RBFOX1: variants seen among roughly 807,000 people sequenced by gnomAD.
RBFOX1 encodes RNA binding protein fox-1 homolog 1.
A neutral mutation model predicts 57.7 loss-of-function variants in RBFOX1; 8 were observed. The observed-to-expected ratio is 0.14, with a 90% CI of 0.08 to 0.25. The LOEUF (loss-of-function observed/expected upper bound fraction) is 0.25, where lower values mean the gene tolerates loss of function less well. Among genes scored for constraint, RBFOX1 ranks in the 10% least tolerant of loss-of-function variants. RBFOX1 has a pLI of 1.00. For missense variants in RBFOX1, 611 were observed against 548.5 expected, an observed-to-expected ratio of 1.11 and a Z score of -1.14; for synonymous variants, 326 against 222.4, an observed-to-expected ratio of 1.47 and a Z score of -4.15.
chr16:7,152,970 A>G (rs1404672198), intron 4 of RBFOX1, among the ~76,000 whole-genome samples: 4 of 152,260 alleles, frequency 2.6e-5, no homozygotes, highest in East Asian at 1.9e-4. Context: ...TTGCTGGTGC[A>G]TAAAACCTAT....
intron 1 of RBFOX1, among the ~76,000 whole-genome samples, chr16:5,385,926 C>A (rs191491197): frequency 4.6e-5 from 7 of 151,968 alleles, no homozygotes; most frequent in Non-Finnish European, 1.0e-4. Flanking sequence ...GATAAATCTG[C>A]GTTCCAGTAA....
At chr16:6,465,360 G>C (rs2095023090) in intron 2 of RBFOX1, among the ~76,000 whole-genome samples, 1 of 152,194 alleles carries the variant, frequency 6.6e-6, no homozygotes, top group Non-Finnish European at 1.5e-5. Flanking sequence ...TATTTTGACA[G>C]TGTAGGGTAA....
At chr16:6,055,998 T>C (rs1314036683) in intron 1 of RBFOX1, among the ~76,000 whole-genome samples, 1 of 152,194 alleles carries the variant, frequency 6.6e-6, no homozygotes, top group Admixed American at 6.5e-5. Flanking sequence ...CTGTCTACTA[T>C]GTGATAGAAT....
rs550439300 is a variant in RBFOX1 at position 7,414,783 on chromosome 16, A to G, written c.28-103364A>G. Among the ~76,000 whole-genome samples, 3 of 152,190 alleles carry G rather than the reference A, an allele frequency of 2.0e-5. No individual in the cohort carries two copies. In the South Asian group the frequency reaches 6.2e-4, roughly 32 times the overall value. Reference sequence around the variant, plus strand: ...CAGGCGTGTGCCACCATGACTGGCCAATTTTTGTATGTTTAGTAGAGATGG... The same window carrying G: ...CAGGCGTGTGCCACCATGACTGGCCGATTTTTGTATGTTTAGTAGAGATGG... On this transcript the variant is annotated intron_variant, in intron 4 of 15. Transcript: ENST00000550418.
chr16:7,144,626 G>A (rs548686029), intron 4 of RBFOX1, among the ~76,000 whole-genome samples: 1 of 151,914 alleles, frequency 6.6e-6, no homozygotes, highest in East Asian at 1.9e-4. Context: ...TGAACATTTA[G>A]TGATGCCATA....
intron 3 of RBFOX1, among the ~76,000 whole-genome samples, chr16:6,851,669 G>T (rs1312457730): frequency 6.6e-6 from 1 of 152,232 alleles, no homozygotes; most frequent in Admixed American, 6.5e-5. Flanking sequence ...CTCTAGGGTC[G>T]AGAAGACATG....
intron 4 of RBFOX1, among the ~76,000 whole-genome samples, chr16:5,886,924 C>T (rs906595962): frequency 6.6e-6 from 1 of 152,102 alleles, no homozygotes; most frequent in African/African-American, 2.4e-5. Context: ...TTCATTGTGT[C>T]CTATGACCAG....
At chr16:7,335,173 C>T (rs375277672) in intron 4 of RBFOX1, among the ~76,000 whole-genome samples, 1 of 152,224 alleles carries the variant, frequency 6.6e-6, no homozygotes, top group Non-Finnish European at 1.5e-5. Flanking sequence ...CTCACAGATG[C>T]TCAGCTCTGA....
chr16:7,365,595 T>C (rs1239656781), intron 4 of RBFOX1, among the ~76,000 whole-genome samples: 1 of 152,224 alleles, frequency 6.6e-6, no homozygotes, highest in Non-Finnish European at 1.5e-5. Context: ...CGGATGTTGC[T>C]AAACATTTGC....
rs377155934 is a variant in RBFOX1 at position 5,888,159 on chromosome 16, G to A, written c.351+20824G>A. ...CTTTGTGACTTTCTCAGCCACTGTGGTGTGCCAGGTTCCTCCTGCCCCAGC... is the reference window on the plus strand; with the variant it reads ...CTTTGTGACTTTCTCAGCCACTGTGATGTGCCAGGTTCCTCCTGCCCCAGC... On this transcript the variant is annotated intron_variant, in intron 4 of 19. Coordinates refer to the RBFOX1 transcript ENST00000641259. Among the ~76,000 whole-genome samples, 332 of 152,210 alleles carry A rather than the reference G, an allele frequency of 2.2e-3. 11 individuals are homozygous for A. In the South Asian group the frequency reaches 0.067, roughly 31 times the overall value.
At chr16:7,605,059 T>C (rs1488156045) in intron 9 of RBFOX1, among the ~76,000 whole-genome samples, 1 of 152,174 alleles carries the variant, frequency 6.6e-6, no homozygotes, top group African/African-American at 2.4e-5. Flanking sequence ...AGAAAGAACA[T>C]TAAATATGTC....
intron 1 of RBFOX1, among the ~76,000 whole-genome samples, chr16:5,427,761 C>G (rs2067606966): frequency 6.6e-6 from 1 of 152,154 alleles, no homozygotes. Context: ...CATGCCTTCA[C>G]CTGATTGGAT....
chr16:7,128,945 C>G (rs866107843), intron 4 of RBFOX1, among the ~76,000 whole-genome samples: 5 of 151,602 alleles, frequency 3.3e-5, no homozygotes, highest in East Asian at 1.9e-4. Context: ...CTCAACCTCC[C>G]AAGTAGCTGG....
intron 3 of RBFOX1, among the ~76,000 whole-genome samples, chr16:6,772,339 C>G (rs952185340): frequency 1.3e-5 from 2 of 152,134 alleles, no homozygotes; most frequent in African/African-American, 2.4e-5. Context: ...AGTGAGCTAT[C>G]CAAATAATTT....
chr16:6,969,853 G>C (rs1187129368), intron 3 of RBFOX1, among the ~76,000 whole-genome samples: 1 of 152,192 alleles, frequency 6.6e-6, no homozygotes, highest in Non-Finnish European at 1.5e-5. Flanking sequence ...TCAGCCATGT[G>C]TGAACCATTG....
At chr16:5,666,489 G>C (rs1039104726) in intron 3 of RBFOX1, among the ~76,000 whole-genome samples, 2 of 152,182 alleles carry the variant, frequency 1.3e-5, no homozygotes, top group Non-Finnish European at 2.9e-5. Flanking sequence ...CCCAGAAATA[G>C]AGCGATGGAC....
At chr16:7,039,236 T>C (rs2045431207) in intron 3 of RBFOX1, among the ~76,000 whole-genome samples, 1 of 152,236 alleles carries the variant, frequency 6.6e-6, no homozygotes, top group Non-Finnish European at 1.5e-5. Context: ...AGTTTACGTA[T>C]AACAACAAAT....
chr16:6,227,988 C>A (rs1358065497), intron 1 of RBFOX1, among the ~76,000 whole-genome samples: 1 of 152,114 alleles, frequency 6.6e-6, no homozygotes, highest in African/African-American at 2.4e-5. Context: ...TGTCTGCACT[C>A]CTGTGTTTAT....
chr16:7,235,215 A>G (rs1429387650), intron 4 of RBFOX1, among the ~76,000 whole-genome samples: 1 of 152,206 alleles, frequency 6.6e-6, no homozygotes, highest in African/African-American at 2.4e-5. Context: ...CTTAGAAAGG[A>G]GAGAATAGCT....
Sources: allele counts gnomAD v4.1 joint callset (sites outside exome capture counted in the v4.1 genomes callset), GRCh38; gene constraint gnomAD v4.1.1; transcripts MANE v1.5; gene names NCBI Gene and HGNC (gene_info 2026-07-23, HGNC 2026-07-21).